The following VWA8 variants were observed in gnomAD, a reference collection of about 807,000 sequenced individuals.
VWA8 encodes the protein von Willebrand factor A domain-containing protein 8.
VWA8 carries 221 observed loss-of-function variants against 241.5 expected under a neutral mutation model. The ratio of observed to expected loss-of-function variants is 0.91; its 90% confidence interval spans 0.82 to 1.02. VWA8 has a LOEUF of 1.02. Among genes scored for constraint, VWA8 ranks in the 50% least tolerant of loss-of-function variants. The pLI, the probability that VWA8 is intolerant of heterozygous loss-of-function variation, is 0.00. For synonymous variants in VWA8, 852 were observed against 827.1 expected (o/e 1.03, Z -0.52); for missense variants, 2,322 against 2,328.7 (o/e 1.00, Z 0.06).
At chr13:41,840,756 CAAA>C (rs35181218) in intron 12 of VWA8, among the ~76,000 whole-genome samples, 2 of 107,568 alleles carry the variant, frequency 1.9e-5, no homozygotes, top group Non-Finnish European at 1.9e-5. Context: ...GAGACCGTCT[CAAA>C]AAAAAAAAAA....
At chr13:41,933,763 A>G (rs1316966592) in intron 2 of VWA8, among the ~76,000 whole-genome samples, 1 of 152,012 alleles carries the variant, frequency 6.6e-6, no homozygotes, top group African/African-American at 2.4e-5. Flanking sequence ...TCCATATGCA[A>G]AAAATAAACT....
At chr13:41,723,857 T>C (rs1443110366) in intron 24 of VWA8, among the ~76,000 whole-genome samples, 1 of 152,154 alleles carries the variant, frequency 6.6e-6, no homozygotes, top group Non-Finnish European at 1.5e-5. Flanking sequence ...ATAACAGGCA[T>C]ATAATTGGTA....
chr13:41,778,107 T>C (rs368447690), intron 19 of VWA8, 51 bp from the exon 20 acceptor site: 78 of 1,339,610 alleles, frequency 5.8e-5, no homozygotes, highest in Non-Finnish European at 7.1e-5. Flanking sequence ...CAAGGTTAAA[T>C]AAGAAAGTTA....
At chr13:41,619,454 C>T (rs573778793) in intron 37 of VWA8, among the ~76,000 whole-genome samples, 1 of 152,108 alleles carries the variant, frequency 6.6e-6, no homozygotes, top group African/African-American at 2.4e-5. Flanking sequence ...GATTGAATAC[C>T]CTTTATTTCC....
Position 41,783,587 on chromosome 13 carries a change from G to A in VWA8, c.2277+208C>T, listed in dbSNP as rs145112601. Among the ~76,000 whole-genome samples the A allele has an allele frequency of 5.5e-3, 823 of 150,122 alleles. 16 individuals carry two copies. The highest frequency in any genetic ancestry group is 0.018 in the African/African-American group (748 of 40,754). ...TGGGAGGTGGAGGTTGCAGTGAGCC[G>A]AGATCGTGCTACTGCACTCCAGCCT... is the stretch of plus-strand genomic sequence containing the variant. On this transcript the variant is annotated intron_variant, in intron 19 of 44. Coordinates refer to ENST00000379310, the MANE Select transcript of VWA8 (RefSeq NM_015058.2).
chr13:41,745,313 C>T (rs890422667), intron 21 of VWA8, among the ~76,000 whole-genome samples: 6 of 152,116 alleles, frequency 3.9e-5, no homozygotes, highest in African/African-American at 1.4e-4. Flanking sequence ...TGACAGGCCC[C>T]AGTGTGTGAT....
At chr13:41,777,962 C>T (rs761738715) in intron 20 of VWA8, 23 bp downstream of exon 20, 5 of 1,580,288 alleles carry the variant, frequency 3.2e-6, no homozygotes, top group Admixed American at 3.6e-5. Context: ...TTCATTGGTA[C>T]CTAGATTTTA....
chr13:41,859,992 T>C (rs1227187536), intron 12 of VWA8, among the ~76,000 whole-genome samples: 1 of 152,224 alleles, frequency 6.6e-6, no homozygotes, highest in Non-Finnish European at 1.5e-5. Context: ...CACTATATTA[T>C]TATACAAACC....
chr13:41,587,398 T>A (rs1218509332), intron 42 of VWA8, 114 bp downstream of exon 42: 20 of 1,374,156 alleles, frequency 1.5e-5, no homozygotes, highest in Non-Finnish European at 2.0e-5. Flanking sequence ...TCTGCACTGA[T>A]GAATGAGCTG....
intron 40 of VWA8, among the ~76,000 whole-genome samples, chr13:41,604,522 C>T (rs543506465): frequency 1.2e-4 from 18 of 152,078 alleles, no homozygotes; most frequent in Non-Finnish European, 2.4e-4. Context: ...AAGTTCTAAT[C>T]CCCAATACTT....
At chr13:41,602,004 C>T (rs929947566) in intron 40 of VWA8, among the ~76,000 whole-genome samples, 4 of 152,080 alleles carry the variant, frequency 2.6e-5, no homozygotes, top group African/African-American at 7.2e-5. Context: ...TATTAGTCAA[C>T]TGGAGCCACA....
chr13:41,806,499 C>T (rs1226511592), intron 17 of VWA8, among the ~76,000 whole-genome samples: 2 of 151,906 alleles, frequency 1.3e-5, no homozygotes, highest in African/African-American at 4.8e-5. Context: ...GTCAGGAGAT[C>T]GAGACCATCC....
At chr13:41,855,108 A>T (rs1034961201) in intron 12 of VWA8, among the ~76,000 whole-genome samples, 3 of 151,866 alleles carry the variant, frequency 2.0e-5, no homozygotes, top group Non-Finnish European at 4.4e-5. Context: ...ATAGGGGGAA[A>T]ATTAGAAAGA....
At chr13:41,924,806 C>G (rs1876751009) in intron 2 of VWA8, among the ~76,000 whole-genome samples, 1 of 151,548 alleles carries the variant, frequency 6.6e-6, no homozygotes, top group South Asian at 2.1e-4. Flanking sequence ...TACATGTGCA[C>G]AACGTGCAAG....
At chr13:41,616,198 T>C (rs2044619267) in intron 37 of VWA8, among the ~76,000 whole-genome samples, 2 of 152,198 alleles carry the variant, frequency 1.3e-5, no homozygotes, top group Non-Finnish European at 2.9e-5. Flanking sequence ...TTTGAGGTCT[T>C]TGCAAATAAA....
intron 37 of VWA8, among the ~76,000 whole-genome samples, chr13:41,649,032 A>G (rs943702126): frequency 6.6e-6 from 1 of 151,862 alleles, no homozygotes; most frequent in Non-Finnish European, 1.5e-5. Flanking sequence ...AAAAATCCAA[A>G]AAGTAGCTGG....
intron 26 of VWA8, 43 bp from the exon 27 acceptor site, chr13:41,703,454 C>G (rs1179509941): frequency 6.4e-7 from 1 of 1,564,946 alleles, no homozygotes; most frequent in Non-Finnish European, 8.8e-7. Flanking sequence ...TTATTGTACC[C>G]AAGTCATAGA....
intron 37 of VWA8, among the ~76,000 whole-genome samples, chr13:41,632,410 C>G (rs1593662657): frequency 6.6e-6 from 1 of 152,176 alleles, no homozygotes; most frequent in Non-Finnish European, 1.5e-5. Flanking sequence ...TAGGTAGAAG[C>G]AAAAGGGGGA....
chr13:41,944,359 G>A (rs1159417733), intron 2 of VWA8, among the ~76,000 whole-genome samples: 2 of 151,902 alleles, frequency 1.3e-5, no homozygotes, highest in Non-Finnish European at 2.9e-5. Flanking sequence ...CTCTGTGATT[G>A]TTTTTCTTTT....
Sources: gnomAD v4.1 joint callset for allele counts (sites outside exome capture counted in the v4.1 genomes callset) on GRCh38, gnomAD v4.1.1 for gene constraint, MANE v1.5 for transcripts, NCBI Gene and HGNC (gene_info 2026-07-23, HGNC 2026-07-21) for gene names.